KCNH2: variants seen among roughly 807,000 people sequenced by gnomAD.
The protein encoded by KCNH2 is potassium voltage-gated channel subfamily H member 2, also known as voltage-gated inwardly rectifying potassium channel KCNH2.
In KCNH2, 35 loss-of-function variants were observed where a neutral mutation model predicts 95.9. The ratio of observed to expected loss-of-function variants is 0.37; its 90% CI spans 0.28 to 0.48. The LOEUF is 0.48. Ranked by LOEUF, KCNH2 falls within the 20% of genes least tolerant of loss-of-function variation. The pLI, the probability that KCNH2 is intolerant of heterozygous loss-of-function variation, is 0.99. For missense variants in KCNH2, 1,274 were observed against 1,702.9 expected (o/e 0.75, Z 4.43); for synonymous variants, 786 against 754.7 (o/e 1.04, Z -0.68).
At chr7:150,950,886 C>A in intron 8 of KCNH2, 35 bp downstream of exon 8, 3 of 1,605,788 alleles carry the variant, frequency 1.9e-6, no homozygotes, top group Non-Finnish European at 2.6e-6. Context: ...CTCTTCCCAG[C>A]CTGCCACCCA....
intron 11 of KCNH2, among the ~76,000 whole-genome samples, 161 bp from the exon 12 acceptor site, chr7:150,948,039 G>T (rs41313077): frequency 2.3e-3 from 350 of 152,298 alleles, no homozygotes; most frequent in Non-Finnish European, 4.6e-3. Context: ...CTGTCAAGCC[G>T]ACCAAGAACT....
rs923482373 is a variant in KCNH2, at chr7:150,949,985, C to T, written c.2398+183G>A. 2.6e-6 allele frequency: 4 copies of T among 1,551,228 alleles called. No homozygotes were observed. In the African/African-American group the frequency reaches 5.5e-5, roughly 21 times the overall value. On this transcript the variant is annotated intron_variant, in intron 9 of 14. Coordinates refer to ENST00000262186, the MANE Select transcript of KCNH2 (RefSeq NM_000238.4). Reference sequence around the variant, plus strand: ...GAACCCCAGAGTTCAGCAGCCTCACCCCACGTGGGGCTCCTCTCCATGGCC... The same window carrying T: ...GAACCCCAGAGTTCAGCAGCCTCACTCCACGTGGGGCTCCTCTCCATGGCC...
chr7:150,974,569 AC>A, intron 2 of KCNH2, 141 bp downstream of exon 2: 1 of 696,510 alleles, frequency 1.4e-6, no homozygotes. Context: ...CCCGCGTCAC[AC>A]CCCCACAGAA....
chr7:150,948,524 G>C lies in KCNH2; in HGVS notation c.2612C>G (p.Ser871Cys), dbSNP rs1177213407. 1 of 1,613,754 alleles carries C rather than the reference G, an allele frequency of 6.2e-7. No individual in the cohort carries two copies. Among genetic ancestry groups the C allele is most frequent in the Non-Finnish European group, 8.5e-7 (1 of 1,180,008 alleles). The part of the protein sequence containing the change: ...NLRDTNMIPG[S>C]PGSTELEGGF... The stretch of plus-strand genomic sequence containing the variant: ...ACCCTCTAACTCCGTACTGCCGGGG[G>C]AGCCCGGGATCATGTTGGTCTGGAA... The change falls in exon 11 of 15, where the codon TCC (serine) becomes TGC (cysteine). Residue 871 changes from serine to cysteine, a missense_variant. Physicochemically the swap from Ser to Cys is moderately radical, Grantham distance 112. Coordinates refer to ENST00000262186, the MANE Select transcript of KCNH2 (RefSeq NM_000238.4).
Position 150,951,137 on chromosome 7 carries a change from G to A in KCNH2, c.1946-17C>T, listed in dbSNP as rs763430080. 6.9e-6 allele frequency: 11 copies of A among 1,586,274 alleles called. No homozygotes were observed. Among genetic ancestry groups the A allele is most frequent in the African/African-American group, 5.4e-5 (4 of 74,566 alleles). On this transcript the variant is annotated splice_polypyrimidine_tract_variant and intron_variant, in intron 7 of 14. Coordinates refer to ENST00000262186, the MANE Select transcript of KCNH2 (RefSeq NM_000238.4). ...ACATGAGGGCTGGGGGCGTGGGCACGTGGGGCCGTCAGCCTCTGCAGGGAC... is the reference window on the plus strand; with the variant it reads ...ACATGAGGGCTGGGGGCGTGGGCACATGGGGCCGTCAGCCTCTGCAGGGAC...
Position 150,958,522 on chromosome 7 carries a change from C to A in KCNH2, c.473-20G>T. 1 of 1,472,336 alleles carries A rather than the reference C, an allele frequency of 6.8e-7. No homozygotes were observed. The allele number at this position is 1,472,336 out of a possible 1,614,324, so 91.2% of individuals were successfully genotyped here. A position where few individuals can be genotyped will look rare whatever the true frequency, so the allele number is the denominator to read the frequency against. ...CGCGGCCTGCGGGAGAGGAGAGGCA[C>A]GTGGTCGTGGGGATCGCGAGCAGCC... On this transcript the variant is annotated intron_variant, in intron 3 of 14. Transcript: ENST00000262186.
chr7:150,945,592 C>T lies in KCNH2; in HGVS notation c.3331-78G>A, dbSNP rs1448729201. On this transcript the variant is annotated intron_variant, in intron 14 of 14. Coordinates refer to ENST00000262186, the MANE Select transcript of KCNH2 (RefSeq NM_000238.4). This position sits in a 1 kb window ranked among gnomAD's most constrained non-coding sequence, Gnocchi z 5.6. ...GGGGAGGGAAAGGGGCAGGAGAACC[C>T]GGGGACAGAGGATGGACGGGAGGAC... The T allele has an allele frequency of 1.6e-5, 23 of 1,447,048 alleles. No homozygotes were observed. The highest frequency in any genetic ancestry group is 2.4e-5 in the South Asian group (2 of 82,000). The allele number at this position is 1,447,048 out of a possible 1,614,324, so 89.6% of individuals were successfully genotyped here.
chr7:150,948,667 C>A, intron 10 of KCNH2, 124 bp from the exon 11 acceptor site: 2 of 1,110,528 alleles, frequency 1.8e-6, no homozygotes, highest in Non-Finnish European at 1.3e-6. Flanking sequence ...GAAAACCCTT[C>A]CCTGCCCCCA....
chr7:150,955,791 C>A (rs1801351634), intron 5 of KCNH2: 1 of 1,178,432 alleles, frequency 8.5e-7, no homozygotes, highest in Non-Finnish European at 1.0e-6. Flanking sequence ...GCCAGCCCAG[C>A]AGCGGCCGCA....
chr7:150,965,022 G>A (rs1264152554), intron 2 of KCNH2, among the ~76,000 whole-genome samples: 1 of 152,136 alleles, frequency 6.6e-6, no homozygotes, highest in Non-Finnish European at 1.5e-5. Context: ...GAATGAGAGA[G>A]AAGGAGGGAG....
Position 150,947,753 on chromosome 7 carries a change from T to C in KCNH2, c.2818A>G (p.Ser940Gly). 1.3e-6 allele frequency: 2 copies of C among 1,546,522 alleles called. No individual in the cohort carries two copies. The highest frequency in any genetic ancestry group is 1.7e-6 in the Non-Finnish European group (2 of 1,149,468). ...SPSSGPSSPE[S>G]SEDEGPGRSS... is the part of the protein sequence containing the mutation. ...CGGCCTGGGCCCTCATCCTCACTGC[T>C]CTCAGGGCTGGAGGGGCCACTGGAC... The change falls in exon 12 of 15, where the codon AGC becomes GGC. Residue 940 changes from serine to glycine, a missense_variant. Coordinates refer to ENST00000262186, the MANE Select transcript of KCNH2 (RefSeq NM_000238.4).
intron 1 of KCNH2, among the ~76,000 whole-genome samples, chr7:150,976,737 C>CA (rs1297278844): frequency 6.6e-6 from 1 of 151,400 alleles, no homozygotes; most frequent in Non-Finnish European, 1.5e-5. Context: ...AGCACCCCCC[C>CA]CCACATCCAT....
intron 2 of KCNH2, among the ~76,000 whole-genome samples, chr7:150,970,539 G>A (rs1421343962): frequency 3.3e-5 from 5 of 152,232 alleles, no homozygotes; most frequent in Admixed American, 6.5e-5. Context: ...AGCCCCGGCA[G>A]ACCAGGACAG....
In KCNH2 at chr7:150,957,483, G is replaced by A; in HGVS notation, c.936C>T (p.Arg312=). 6.2e-7 allele frequency: 1 copy of A among 1,613,796 alleles called. No homozygotes were observed. The highest frequency in any genetic ancestry group is 8.5e-7 in the Non-Finnish European group (1 of 1,179,962). ...HASTGAMHPL[R]SGLLNSTSDS... is the part of the protein sequence containing the mutation. The stretch of plus-strand genomic sequence containing the variant: ...CCGAGGTGGAGTTGAGCAAGCCGCT[G>A]CGCAGTGGGTGCATGGCCCCTAGGT... The change falls in exon 5 of 15, where the codon CGC becomes CGT. Residue 312 remains arginine (R), a synonymous_variant. Coordinates refer to ENST00000262186, the MANE Select transcript of KCNH2 (RefSeq NM_000238.4).
chr7:150,960,002 C>T (rs148863544), intron 2 of KCNH2, among the ~76,000 whole-genome samples: 1 of 152,332 alleles, frequency 6.6e-6, no homozygotes, highest in African/African-American at 2.4e-5. Context: ...AGCTCTTTCC[C>T]GGCTGCACTT....
Position 150,958,307 on chromosome 7 carries a change from G to T in KCNH2, c.668C>A (p.Ala223Glu). The T allele has an allele frequency of 1.4e-6, 2 of 1,481,326 alleles. No individual in the cohort carries two copies. The highest frequency in any genetic ancestry group is 1.8e-6 in the Non-Finnish European group (2 of 1,122,370). The allele number at this position is 1,481,326 out of a possible 1,614,324, so 91.8% of individuals were successfully genotyped here. A position where few individuals can be genotyped will look rare whatever the true frequency, so the allele number is the denominator to read the frequency against. Residue 223 changes from alanine to glutamate, a missense_variant, in exon 4 of 15, where the codon GCA (alanine) becomes GAA (glutamate). Ala to Glu is a moderately radical substitution (Grantham distance 107). Coordinates refer to ENST00000262186, the MANE Select transcript of KCNH2 (RefSeq NM_000238.4). ...DEVTAMDNHV[A>E]GLGPAEERRA... is the part of the protein sequence containing the mutation. ...CCGCTCCTCCGCGGGCCCGAGCCCT[G>T]CCACGTGGTTGTCCATGGCTGTCAC... is the stretch of plus-strand genomic sequence containing the variant.
At chr7:150,949,175 C>G (rs1401551008) in intron 9 of KCNH2, 126 bp from the exon 10 acceptor site, 1 of 1,113,484 alleles carries the variant, frequency 9.0e-7, no homozygotes, top group Non-Finnish European at 1.3e-6. Flanking sequence ...TGCCAGCCGG[C>G]CCCCAACCCA....
At chr7:150,975,303 A>G (rs1801954308) in intron 1 of KCNH2, among the ~76,000 whole-genome samples, 2 of 152,346 alleles carry the variant, frequency 1.3e-5, no homozygotes, top group Admixed American at 1.3e-4. Context: ...CACTGGGCCT[A>G]GAAAGGGAGC....
chr7:150,975,375 T>C (rs183379463), intron 1 of KCNH2, among the ~76,000 whole-genome samples: 28 of 152,308 alleles, frequency 1.8e-4, no homozygotes, highest in African/African-American at 6.5e-4. Context: ...GATTCTGCTT[T>C]TAATTTCCCT....
Sources: gnomAD v4.1 joint callset for allele counts (sites outside exome capture counted in the v4.1 genomes callset) on GRCh38, gnomAD v4.1.1 for gene constraint, Gnocchi (gnomAD v3.1) non-coding constraint, MANE v1.5 for transcripts, NCBI Gene and HGNC (gene_info 2026-07-23, HGNC 2026-07-21) for gene names.